ADGRV1: variants seen among roughly 807,000 people sequenced by gnomAD.
The protein encoded by ADGRV1 is G-protein coupled receptor 98.
Under a neutral mutation model 596.2 loss-of-function variants are expected in ADGRV1, and 359 were observed. The observed-to-expected ratio is 0.60, with a 90% CI of 0.55 to 0.66. The LOEUF is 0.66. Ranked by LOEUF, ADGRV1 falls within the 30% of genes least tolerant of loss-of-function variation. The pLI is 0.00. For synonymous variants in ADGRV1, 2,681 were observed against 2,679.2 expected (o/e 1.00, Z -0.02); for missense variants, 7,274 against 7,575.6 (o/e 0.96, Z 1.48).
chr5:90,732,159 C>A (rs1270211624), intron 50 of ADGRV1, among the ~76,000 whole-genome samples: 1 of 152,048 alleles, frequency 6.6e-6, no homozygotes, highest in African/African-American at 2.4e-5. Flanking sequence ...CTCCATCATG[C>A]CCACATAATT....
chr5:90,758,106 G>C (rs2149988846), intron 57 of ADGRV1, among the ~76,000 whole-genome samples: 1 of 152,268 alleles, frequency 6.6e-6, no homozygotes, highest in South Asian at 2.1e-4. Context: ...GCCGAGGCGG[G>C]TGGATCACGA....
intron 87 of ADGRV1, among the ~76,000 whole-genome samples, chr5:91,111,384 AG>A (rs1295684551): frequency 6.6e-6 from 1 of 152,224 alleles, no homozygotes; most frequent in Non-Finnish European, 1.5e-5. Flanking sequence ...AGGTATCGTA[AG>A]AAATGGAACG....
intron 87 of ADGRV1, among the ~76,000 whole-genome samples, chr5:91,119,872 A>G (rs1286428324): frequency 2.0e-5 from 3 of 152,200 alleles, no homozygotes; most frequent in African/African-American, 7.2e-5. Flanking sequence ...TTGGATTTGC[A>G]GACAGAAGGA....
chr5:90,595,078 T>C (rs1760105003), intron 1 of ADGRV1, among the ~76,000 whole-genome samples: 2 of 132,834 alleles, frequency 1.5e-5, no homozygotes, highest in African/African-American at 3.1e-5. Flanking sequence ...GAGGCGCCCC[T>C]CACCTCCCGG....
intron 85 of ADGRV1, among the ~76,000 whole-genome samples, chr5:91,046,771 A>G (rs1446916889): frequency 6.6e-6 from 1 of 152,202 alleles, no homozygotes; most frequent in Non-Finnish European, 1.5e-5. Context: ...TATACATCTC[A>G]CCAAGGACTA....
chr5:91,143,770 C>A (rs1040425310), intron 87 of ADGRV1, among the ~76,000 whole-genome samples: 2 of 152,212 alleles, frequency 1.3e-5, no homozygotes, highest in African/African-American at 4.8e-5. Flanking sequence ...GGCCTTCCCC[C>A]TCTACTCCAG....
At chr5:90,992,508 T>A (rs896993229) in intron 85 of ADGRV1, among the ~76,000 whole-genome samples, 2 of 152,244 alleles carry the variant, frequency 1.3e-5, no homozygotes, top group Admixed American at 6.5e-5. Context: ...AAAAGAACTT[T>A]ATCAAGCTTT....
intron 87 of ADGRV1, among the ~76,000 whole-genome samples, chr5:91,120,625 G>C: frequency 6.6e-6 from 1 of 152,220 alleles, no homozygotes; most frequent in South Asian, 2.1e-4. Flanking sequence ...GGTGGCCTCA[G>C]GATGATCCAT....
At chr5:90,809,715 T>C (rs1762263371) in intron 73 of ADGRV1, among the ~76,000 whole-genome samples, 1 of 152,214 alleles carries the variant, frequency 6.6e-6, no homozygotes, top group Non-Finnish European at 1.5e-5. Context: ...GGAAAAAAAC[T>C]AAGAATAAAT....
rs543030169 is a variant in ADGRV1, at chr5:90,595,811, G to A, written c.23-19024G>A. On this transcript the variant is annotated intron_variant, in intron 1 of 89. Coordinates refer to ENST00000405460, the MANE Select transcript of ADGRV1 (RefSeq NM_032119.4). ...AGGCTGACCCCCCCACCTCCCTCCC[G>A]GACGGGGCAGCTGGCCGGGTGGGCG... Among the ~76,000 whole-genome samples, 519 of 143,348 alleles carry A rather than the reference G, an allele frequency of 3.6e-3. 7 individuals carry two copies. Among genetic ancestry groups the A allele is most frequent in the African/African-American group, 0.012 (476 of 38,290 alleles). The allele number at this position is 143,348 out of a possible 152,430, so 94.0% of individuals were successfully genotyped here.
intron 83 of ADGRV1, among the ~76,000 whole-genome samples, chr5:90,964,926 A>G (rs1778326296): frequency 6.6e-6 from 1 of 152,198 alleles, no homozygotes; most frequent in Non-Finnish European, 1.5e-5. Context: ...TCCAAAAATT[A>G]GGATAACCAT....
intron 87 of ADGRV1, among the ~76,000 whole-genome samples, chr5:91,132,555 T>G (rs1001907623): frequency 6.6e-6 from 1 of 152,186 alleles, no homozygotes; most frequent in Non-Finnish European, 1.5e-5. Flanking sequence ...AATAAAATAA[T>G]CACACAAATA....
At chr5:90,901,631 G>GCCT (rs1449224973) in intron 83 of ADGRV1, among the ~76,000 whole-genome samples, 1 of 151,960 alleles carries the variant, frequency 6.6e-6, no homozygotes, top group Non-Finnish European at 1.5e-5. Context: ...TTAGTACTTG[G>GCCT]CCTCCTTTGC....
intron 4 of ADGRV1, among the ~76,000 whole-genome samples, chr5:90,622,138 A>T (rs1419774789): frequency 6.6e-6 from 1 of 152,158 alleles, no homozygotes; most frequent in African/African-American, 2.4e-5. Context: ...CCTGTCCTGA[A>T]AGTTATTAGC....
intron 85 of ADGRV1, among the ~76,000 whole-genome samples, chr5:91,000,869 CAGGAAGAAT>C (rs1781802383): frequency 6.6e-6 from 1 of 152,008 alleles, no homozygotes; most frequent in Non-Finnish European, 1.5e-5. Context: ...GGCTATTGGG[CAGGAAGAAT>C]TCTCTGTTAC....
At chr5:90,980,100 G>C (rs1779963618) in intron 84 of ADGRV1, among the ~76,000 whole-genome samples, 1 of 152,148 alleles carries the variant, frequency 6.6e-6, no homozygotes, top group Non-Finnish European at 1.5e-5. Flanking sequence ...CCCAAGTACA[G>C]TTACCTAGGT....
intron 87 of ADGRV1, among the ~76,000 whole-genome samples, chr5:91,131,458 GT>G (rs1794209888): frequency 7.9e-6 from 1 of 127,158 alleles, no homozygotes; most frequent in African/African-American, 3.0e-5. Context: ...TTTTGTTGTT[GT>G]TGCTGTTTTG....
At chr5:90,635,654 G>A (rs1458829329) in intron 10 of ADGRV1, among the ~76,000 whole-genome samples, 6 of 151,330 alleles carry the variant, frequency 4.0e-5, no homozygotes, top group South Asian at 2.1e-4. Context: ...GTGCAGTGGC[G>A]TGATCTCAGC....
chr5:90,706,664 G>A (rs1211918695), intron 38 of ADGRV1, among the ~76,000 whole-genome samples: 1 of 150,670 alleles, frequency 6.6e-6, no homozygotes, highest in Non-Finnish European at 1.5e-5. Flanking sequence ...GACACTTCTA[G>A]TAACTTTGCA....
Sources: allele counts gnomAD v4.1 joint callset (sites outside exome capture counted in the v4.1 genomes callset), GRCh38; gene constraint gnomAD v4.1.1; transcripts MANE v1.5; gene names NCBI Gene and HGNC (gene_info 2026-07-23, HGNC 2026-07-21).